BCAT1: variants seen among roughly 807,000 people sequenced by gnomAD.
BCAT1 encodes branched chain amino acid transaminase 1.
BCAT1 carries 48 observed loss-of-function variants against 52.4 expected under a neutral mutation model. The observed-to-expected ratio is 0.92, with a 90% CI of 0.73 to 1.16. The LOEUF is 1.16. BCAT1 is among the 50% of genes most tolerant of loss of function. The pLI is 0.00. For missense variants in BCAT1, 451 were observed against 457.1 expected, an observed-to-expected ratio of 0.99 and a Z score of 0.12; for synonymous variants, 167 against 161.3, an observed-to-expected ratio of 1.04 and a Z score of -0.27.
At position 24,816,223 on chromosome 12, in the gene BCAT1, A is replaced by C. The variant is rs1421528816; in HGVS notation, c.*1785T>G. The C allele has an allele frequency of 4.4e-5, 14 of 316,202 alleles. No homozygotes were observed. In the East Asian group the frequency reaches 6.8e-4, roughly 15 times the overall value. 19.6% of individuals were successfully genotyped at this position (316,202 alleles called of 1,614,324 possible). On this transcript the variant is annotated 3_prime_UTR_variant, in exon 11 of 11. Coordinates refer to ENST00000261192, the MANE Select transcript of BCAT1 (RefSeq NM_005504.7). Reference sequence around the variant, plus strand: ...GGAAAAGAATCAAAGCCCATTTTCTATGTGTTGCTAAATGCCTCAAGGAAA... The same window carrying C: ...GGAAAAGAATCAAAGCCCATTTTCTCTGTGTTGCTAAATGCCTCAAGGAAA...
intron 6 of BCAT1, among the ~76,000 whole-genome samples, chr12:24,842,992 G>A (rs1222659146): frequency 6.6e-6 from 1 of 152,124 alleles, no homozygotes; most frequent in African/African-American, 2.4e-5. Context: ...GACAAAACAT[G>A]AGAGTCCTCA....
At chr12:24,873,005 A>G (rs1942224361) in intron 5 of BCAT1, among the ~76,000 whole-genome samples, 1 of 152,208 alleles carries the variant, frequency 6.6e-6, no homozygotes, top group Non-Finnish European at 1.5e-5. Context: ...ACTTACCAGA[A>G]TCCCCGAGGA....
intron 5 of BCAT1, among the ~76,000 whole-genome samples, chr12:24,868,005 A>G (rs572634768): frequency 2.3e-4 from 35 of 152,346 alleles, no homozygotes; most frequent in Non-Finnish European, 2.2e-4. Flanking sequence ...ACTCCGTCTC[A>G]ATAAACAAAA....
intron 3 of BCAT1, among the ~76,000 whole-genome samples, chr12:24,892,960 C>A (rs140446592): frequency 6.6e-6 from 1 of 152,308 alleles, no homozygotes; most frequent in South Asian, 2.1e-4. Flanking sequence ...ATTGACATAA[C>A]AGGAAGAGCT....
intron 1 of BCAT1, among the ~76,000 whole-genome samples, chr12:24,917,739 G>T (rs954976928): frequency 6.6e-6 from 1 of 152,116 alleles, no homozygotes; most frequent in Admixed American, 6.5e-5. Flanking sequence ...AAGGCAAAAG[G>T]TTACAGTTAA....
intron 2 of BCAT1, among the ~76,000 whole-genome samples, chr12:24,894,730 T>G (rs1201603880): frequency 6.6e-6 from 1 of 152,104 alleles, no homozygotes; most frequent in Non-Finnish European, 1.5e-5. Context: ...AGGGACAAAA[T>G]AGCAGATGGG....
intron 1 of BCAT1, chr12:24,902,554 C>T (rs1342834031): frequency 2.0e-6 from 1 of 495,026 alleles, no homozygotes; most frequent in Non-Finnish European, 2.9e-6. Context: ...CAGAAGGCTG[C>T]GGTCAAAATA....
chr12:24,907,426 C>A (rs1943242283), intron 1 of BCAT1, among the ~76,000 whole-genome samples: 1 of 152,228 alleles, frequency 6.6e-6, no homozygotes, highest in Non-Finnish European at 1.5e-5. Context: ...GCTAATCCAT[C>A]ATATCCCCTG....
intron 1 of BCAT1, among the ~76,000 whole-genome samples, chr12:24,935,016 C>A (rs762483958): frequency 1.3e-5 from 2 of 152,162 alleles, no homozygotes; most frequent in Non-Finnish European, 2.9e-5. Flanking sequence ...TCTAATTAAG[C>A]TATTGCTGTA....
chr12:24,847,010 C>A (rs183472060), intron 6 of BCAT1, among the ~76,000 whole-genome samples: 1 of 152,184 alleles, frequency 6.6e-6, no homozygotes, highest in Non-Finnish European at 1.5e-5. Flanking sequence ...TAAACCCAAG[C>A]TTTTAACCAT....
intron 10 of BCAT1, among the ~76,000 whole-genome samples, chr12:24,825,086 T>C (rs937534673): frequency 6.6e-6 from 1 of 152,028 alleles, no homozygotes; most frequent in Admixed American, 6.6e-5. Context: ...GATTTCATTC[T>C]TTTTTATGGC....
chr12:24,947,772 T>C (rs1162089539), intron 1 of BCAT1, among the ~76,000 whole-genome samples: 1 of 152,246 alleles, frequency 6.6e-6, no homozygotes, highest in Non-Finnish European at 1.5e-5. Flanking sequence ...CTGTTCATTC[T>C]TAGTTTTCTC....
chr12:24,841,104 C>T (rs1941160811), intron 7 of BCAT1, among the ~76,000 whole-genome samples: 1 of 152,026 alleles, frequency 6.6e-6, no homozygotes, highest in South Asian at 2.1e-4. Context: ...AATGAGTACT[C>T]AGGATATTAA....
In BCAT1 at chr12:24,832,839, A is replaced by G. The variant is rs754308266; in HGVS notation, c.928T>C (p.Tyr310His). ...QWGEFKVSER[Y>H]LTMDDLTTAL... ...GTTGTCAAGTCATCCATGGTGAGGT[A>G]TCTCTCTGACACCTTAAATTCACCC... The change falls in exon 9 of 11, where the codon TAC becomes CAC. Residue 310 changes from tyrosine to histidine, a missense_variant. Coordinates refer to ENST00000261192, the MANE Select transcript of BCAT1 (RefSeq NM_005504.7). 1.2e-6 allele frequency: 2 copies of G among 1,612,234 alleles called. No individual in the cohort carries two copies. The highest frequency in any genetic ancestry group is 3.3e-5 in the Admixed American group (2 of 59,754).
intron 5 of BCAT1, among the ~76,000 whole-genome samples, chr12:24,868,991 A>G (rs140479488): frequency 4.6e-5 from 7 of 152,370 alleles, no homozygotes; most frequent in African/African-American, 1.7e-4. Flanking sequence ...AAAAAATTAA[A>G]AAGACAAAAG....
rs1209494947 is a variant in BCAT1 at position 24,881,330 on chromosome 12, ACATTCTATC to A, written c.352_360del (p.Asp118_Met120del). ...AGAGTTGCCCTCACAGCAGAGCGAT[ACATTCTATC>A]CATGTTGAGGTTTGGCTGAAACAGT... On this transcript the variant is annotated inframe_deletion, in exon 4 of 11. Transcript: ENST00000261192. 6.2e-7 allele frequency: 1 copy of A among 1,612,752 alleles called. No individual in the cohort carries two copies. The highest frequency in any genetic ancestry group is 2.2e-5 in the East Asian group (1 of 44,892).
intron 1 of BCAT1, among the ~76,000 whole-genome samples, chr12:24,943,956 C>T (rs1943896160): frequency 6.6e-6 from 1 of 151,980 alleles, no homozygotes; most frequent in Admixed American, 6.6e-5. Context: ...TGTACTCCAG[C>T]CTGGGTGACA....
At chr12:24,902,830 G>C in intron 1 of BCAT1, 1 of 1,382,676 alleles carries the variant, frequency 7.2e-7, no homozygotes, top group Non-Finnish European at 9.6e-7. Flanking sequence ...GGAATGGAGG[G>C]CAAGGCGAAG....
At chr12:24,834,825 A>G in intron 8 of BCAT1, 1 of 1,115,400 alleles carries the variant, frequency 9.0e-7, no homozygotes, top group Non-Finnish European at 1.1e-6. Context: ...AGAAAAGAAA[A>G]GAAAACTCTT....
Sources: allele counts gnomAD v4.1 joint callset (sites outside exome capture counted in the v4.1 genomes callset), GRCh38; gene constraint gnomAD v4.1.1; transcripts MANE v1.5; gene names NCBI Gene and HGNC (gene_info 2026-07-23, HGNC 2026-07-21).